Variants in ITPR2 observed in about 807,000 individuals in gnomAD.
ITPR2 encodes inositol 1,4,5-trisphosphate-gated calcium channel ITPR2.
In ITPR2, 207 loss-of-function variants were observed where a neutral mutation model predicts 317.1. The observed-to-expected ratio is 0.65, with a 90% CI of 0.58 to 0.73. The LOEUF is 0.73. Among genes scored for constraint, ITPR2 ranks in the 30% least tolerant of loss-of-function variants. The pLI is 0.00. For synonymous variants in ITPR2, 1,156 were observed against 1,149.1 expected, an observed-to-expected ratio of 1.01 and a Z score of -0.12; for missense variants, 2,613 against 3,284.0, an observed-to-expected ratio of 0.80 and a Z score of 4.99.
chr12:26,468,458 T>C (rs1035307638), intron 45 of ITPR2, among the ~76,000 whole-genome samples: 4 of 152,164 alleles, frequency 2.6e-5, no homozygotes, highest in East Asian at 3.9e-4. Flanking sequence ...ACATAGTGGA[T>C]GTATTATCTA....
At chr12:26,505,934 A>G (rs1457008170) in intron 37 of ITPR2, among the ~76,000 whole-genome samples, 2 of 152,002 alleles carry the variant, frequency 1.3e-5, no homozygotes, top group East Asian at 3.9e-4. Flanking sequence ...TTACTTGCAT[A>G]TTACATATTT....
intron 13 of ITPR2, among the ~76,000 whole-genome samples, chr12:26,666,725 A>G (rs1464471374): frequency 6.6e-6 from 1 of 152,144 alleles, no homozygotes; most frequent in Non-Finnish European, 1.5e-5. Context: ...AAAACCATAC[A>G]CCAATGTTCA....
intron 2 of ITPR2, among the ~76,000 whole-genome samples, chr12:26,750,983 C>T (rs542259892): frequency 7.1e-4 from 108 of 152,170 alleles, no homozygotes; most frequent in African/African-American, 2.6e-3. Flanking sequence ...TAGTTAACAC[C>T]GCCCAAGCAA....
chr12:26,503,702 A>C (rs1225362709), intron 37 of ITPR2, among the ~76,000 whole-genome samples: 2 of 152,210 alleles, frequency 1.3e-5, no homozygotes, highest in Non-Finnish European at 2.9e-5. Flanking sequence ...TAATATTTAC[A>C]CTGCAAGGCT....
Position 26,591,676 on chromosome 12 carries a change from A to G in ITPR2, c.4380+3789T>C, listed in dbSNP as rs79833921. On this transcript the variant is annotated intron_variant, in intron 32 of 56. Coordinates refer to ENST00000381340, the MANE Select transcript of ITPR2 (RefSeq NM_002223.4). The stretch of plus-strand genomic sequence containing the variant: ...GAAACCCCATCTCTACTAAAAAAAA[A>G]AAAATACGAAAATTAGCCAGGCATG... Among the ~76,000 whole-genome samples, 1,287 of 152,108 alleles carry G rather than the reference A, an allele frequency of 8.5e-3. 12 individuals are homozygous for G. Among genetic ancestry groups the G allele is most frequent in the African/African-American group, 0.029 (1,220 of 41,514 alleles).
At chr12:26,448,615 A>C (rs531864917) in intron 45 of ITPR2, among the ~76,000 whole-genome samples, 23 of 152,204 alleles carry the variant, frequency 1.5e-4, no homozygotes, top group Non-Finnish European at 2.1e-4. Flanking sequence ...ACATGGGTAG[A>C]TACAGTGCAA....
At chr12:26,384,268 T>G (rs1261246251) in intron 55 of ITPR2, among the ~76,000 whole-genome samples, 1 of 152,194 alleles carries the variant, frequency 6.6e-6, no homozygotes, top group East Asian at 1.9e-4. Context: ...AGTAACAGAT[T>G]TTCTGAAATG....
chr12:26,703,922 TAACA>T (rs1388760289), intron 9 of ITPR2, among the ~76,000 whole-genome samples: 1 of 152,096 alleles, frequency 6.6e-6, no homozygotes, highest in Admixed American at 6.5e-5. Flanking sequence ...ATACAACAGG[TAACA>T]AACAAATGCA....
rs1161476935 is a variant in ITPR2, at chr12:26,831,443, T to C, written c.92+1247A>G. Among the ~76,000 whole-genome samples, 2 of 152,002 alleles carry C rather than the reference T, an allele frequency of 1.3e-5. No homozygotes were observed. The highest frequency in any genetic ancestry group is 2.4e-5 in the African/African-American group (1 of 41,348). On this transcript the variant is annotated intron_variant, in intron 1 of 56. Coordinates refer to ENST00000381340, the MANE Select transcript of ITPR2 (RefSeq NM_002223.4). This position sits in a 1 kb window ranked among gnomAD's most constrained non-coding sequence, Gnocchi z 4.9. ...TCCCGGGTCGTTGCAGGTTAAGTCA[T>C]CTGCCCCAAAGCCTAACAGCTGAAA...
chr12:26,783,237 T>C (rs80336017), intron 2 of ITPR2, among the ~76,000 whole-genome samples: 5,603 of 152,282 alleles, frequency 0.037, 330 homozygotes, highest in African/African-American at 0.13. Context: ...AACAACTGAT[T>C]GTTGCTTGCC....
chr12:26,347,626 G>A (rs1025719336), intron 55 of ITPR2, among the ~76,000 whole-genome samples: 3 of 152,184 alleles, frequency 2.0e-5, no homozygotes, highest in East Asian at 1.9e-4. Flanking sequence ...AGATCACTCT[G>A]CATGTCTAAT....
At position 26,655,832 on chromosome 12, in the gene ITPR2, G is replaced by A. The variant is rs1947358418; in HGVS notation, c.2465C>T (p.Ser822Phe). The change falls in exon 20 of 57, where the codon TCT becomes TTT. Residue 822 changes from serine to phenylalanine, a missense_variant. Around this residue, in one of 9 missense-constraint regions of ITPR2, gnomAD observed 817 missense variants for 897.6 expected, o/e 0.91. Transcript: ENST00000381340. ...TTTCCTCTTCATATCATTTCTGGAA[G>A]AGTCTGTTATAGAATCATATCTGGA... ...TIHEYDSITD[S>F]SRNDMKRKFA... The A allele has an allele frequency of 3.1e-6, 5 of 1,611,256 alleles. No homozygotes were observed. Among genetic ancestry groups the A allele is most frequent in the African/African-American group, 1.3e-5 (1 of 74,978 alleles).
intron 52 of ITPR2, among the ~76,000 whole-genome samples, chr12:26,409,313 C>A (rs1591997908): frequency 6.6e-6 from 1 of 152,140 alleles, no homozygotes; most frequent in Non-Finnish European, 1.5e-5. Context: ...GGCAAAAAGT[C>A]TTTGATAAAA....
At chr12:26,692,637 T>G (rs895963) in intron 10 of ITPR2, among the ~76,000 whole-genome samples, 146,890 of 152,254 alleles carry the variant, frequency 0.96, 70,927 homozygotes, top group East Asian at 1. Flanking sequence ...ACATTTGTAA[T>G]ATTGGAAATA....
At chr12:26,588,838 T>A (rs762965954) in intron 32 of ITPR2, among the ~76,000 whole-genome samples, 2 of 152,254 alleles carry the variant, frequency 1.3e-5, no homozygotes, top group Non-Finnish European at 2.9e-5. Flanking sequence ...AATTATTTCT[T>A]GGTCTAATTT....
intron 34 of ITPR2, among the ~76,000 whole-genome samples, chr12:26,568,074 A>G (rs1945061341): frequency 6.9e-6 from 1 of 145,896 alleles, no homozygotes; most frequent in African/African-American, 2.5e-5. Context: ...TGGGATTAGC[A>G]GTTATTCTCT....
chr12:26,422,110 A>G (rs1470839963), intron 49 of ITPR2, among the ~76,000 whole-genome samples: 1 of 150,626 alleles, frequency 6.6e-6, no homozygotes. Flanking sequence ...ATTACTAATT[A>G]CTAAATAACT....
At chr12:26,782,431 C>T (rs2137184057) in intron 2 of ITPR2, among the ~76,000 whole-genome samples, 1 of 151,546 alleles carries the variant, frequency 6.6e-6, no homozygotes, top group Non-Finnish European at 1.5e-5. Flanking sequence ...AAAAGATCCA[C>T]AGGAATATGG....
chr12:26,662,729 C>G (rs1947530510), intron 15 of ITPR2, among the ~76,000 whole-genome samples: 1 of 152,052 alleles, frequency 6.6e-6, no homozygotes, highest in Non-Finnish European at 1.5e-5. Context: ...CTGGAGTGTA[C>G]TAGTGTGATC....
Sources: gnomAD v4.1 joint callset for allele counts (sites outside exome capture counted in the v4.1 genomes callset) on GRCh38, gnomAD v4.1.1 for gene constraint, gnomAD v4.1.1 regional missense constraint, Gnocchi (gnomAD v3.1) non-coding constraint, MANE v1.5 for transcripts, NCBI Gene and HGNC (gene_info 2026-07-23, HGNC 2026-07-21) for gene names.